Variants in EBF3 observed in about 807,000 individuals in gnomAD.
EBF3 encodes the protein transcription factor COE3.
Under a neutral mutation model 77.1 loss-of-function variants are expected in EBF3, and 18 were observed. The observed-to-expected ratio is 0.23, with a 90% confidence interval of 0.16 to 0.35. EBF3 has a LOEUF of 0.35. Ranked by LOEUF, EBF3 falls within the 10% of genes least tolerant of loss-of-function variation. The probability of loss-of-function intolerance (pLI) is 1.00; values close to 1 mark genes in which losing one functional copy is unlikely to be tolerated. For synonymous variants in EBF3, 350 were observed against 343.5 expected (o/e 1.02, Z -0.21); for missense variants, 558 against 860.0 (o/e 0.65, Z 4.39).
At chr10:129,910,936 T>G (rs1052339809) in intron 6 of EBF3, among the ~76,000 whole-genome samples, 2 of 152,154 alleles carry the variant, frequency 1.3e-5, no homozygotes, top group Non-Finnish European at 2.9e-5. Flanking sequence ...AGCAGGGCCA[T>G]GGCCGAAGCT....
chr10:129,961,208 A>C (rs969201117), intron 4 of EBF3, among the ~76,000 whole-genome samples: 3 of 152,262 alleles, frequency 2.0e-5, no homozygotes, highest in African/African-American at 7.2e-5. Flanking sequence ...AAAACCGAAG[A>C]AGCCACTTTC....
At chr10:129,869,476 C>T (rs1457685715) in intron 8 of EBF3, among the ~76,000 whole-genome samples, 1 of 147,704 alleles carries the variant, frequency 6.8e-6, no homozygotes, top group African/African-American at 2.5e-5. Context: ...CATCTTGGGG[C>T]CTTATTAGGT....
At position 129,908,880 on chromosome 10, in the gene EBF3, G is replaced by A. The variant is rs571617663; in HGVS notation, c.555-31031C>T. ...CACCAATAAGTATGGCCCATAAGTC[G>A]ACTCTTTGCAAATTCTAAACACAAT... On this transcript the variant is annotated intron_variant, in intron 6 of 16. Coordinates refer to ENST00000440978, the MANE Select transcript of EBF3 (RefSeq NM_001375380.1). Among the ~76,000 whole-genome samples the A allele has an allele frequency of 1.6e-3, 243 of 152,280 alleles. 2 individuals carry two copies. Among genetic ancestry groups the A allele is most frequent in the Non-Finnish European group, 2.7e-3 (183 of 68,020 alleles).
At chr10:129,924,780 C>T (rs1038741174) in intron 6 of EBF3, among the ~76,000 whole-genome samples, 6 of 152,158 alleles carry the variant, frequency 3.9e-5, no homozygotes, top group Non-Finnish European at 7.3e-5. Flanking sequence ...AATCCTCCTG[C>T]CTCAGCCTCT....
At chr10:129,867,633 G>A (rs923434049) in intron 9 of EBF3, 149 bp downstream of exon 9, 36 of 1,374,986 alleles carry the variant, frequency 2.6e-5, no homozygotes, top group Admixed American at 1.7e-4. Context: ...AGCCACCCAC[G>A]GGAGAAGCTG....
At chr10:129,878,661 C>CAAAAAAAA (rs538628576) in intron 6 of EBF3, among the ~76,000 whole-genome samples, 2 of 34,848 alleles carry the variant, frequency 5.7e-5, no homozygotes, top group African/African-American at 1.3e-4. Context: ...GGCTCTGTCT[C>CAAAAAAAA]AAAAAAAAAA....
intron 6 of EBF3, among the ~76,000 whole-genome samples, chr10:129,931,013 C>T (rs2477963): frequency 1.1e-4 from 16 of 149,082 alleles, no homozygotes; most frequent in African/African-American, 2.7e-4. Context: ...CTCTCATATA[C>T]CTATATCTGT....
chr10:129,908,235 C>A (rs934369498), intron 6 of EBF3, among the ~76,000 whole-genome samples: 6 of 152,180 alleles, frequency 3.9e-5, no homozygotes, highest in African/African-American at 1.4e-4. Context: ...TAATTCTAAG[C>A]CCCCAAGAAA....
In EBF3 at chr10:129,885,264, A is replaced by C. The variant is rs1853490321; in HGVS notation, c.555-7415T>G. On this transcript the variant is annotated intron_variant, in intron 6 of 16. Transcript: ENST00000440978. The surrounding 1 kb of genome is among the most constrained non-coding windows in gnomAD (Gnocchi z 4.0). ...AGTTCAATATCCCCTTCCAGAACAG[A>C]TCCCCGCCAAGTCCTCCGTTTGGAG... is the stretch of plus-strand genomic sequence containing the variant. 6.6e-6 allele frequency among the ~76,000 whole-genome samples: 1 copy of C among 152,132 alleles called. No homozygotes were observed. Among genetic ancestry groups the C allele is most frequent in the Non-Finnish European group, 1.5e-5 (1 of 68,028 alleles).
chr10:129,883,190 T>C (rs1274400309), intron 6 of EBF3, among the ~76,000 whole-genome samples: 1 of 152,192 alleles, frequency 6.6e-6, no homozygotes, highest in African/African-American at 2.4e-5. Context: ...TGAGTCACTG[T>C]ACACTGGAAG....
At chr10:129,917,767 C>A (rs1345740090) in intron 6 of EBF3, among the ~76,000 whole-genome samples, 1 of 151,688 alleles carries the variant, frequency 6.6e-6, no homozygotes, top group African/African-American at 2.4e-5. Flanking sequence ...GGCTTGCTCC[C>A]TGGTGATATT....
rs1007412979 is a variant in EBF3 at position 129,947,291 on chromosome 10, A to G, written c.554+9967T>C. ...TGTGGGTGTGAATTCATACTTAACC[A>G]TAAAAACCCTTGCATTACTCTGTCT... On this transcript the variant is annotated intron_variant, in intron 6 of 16. Transcript: ENST00000440978. This position sits in a 1 kb window ranked among gnomAD's most constrained non-coding sequence, Gnocchi z 4.5. Among the ~76,000 whole-genome samples, 3 of 152,256 alleles carry G rather than the reference A, an allele frequency of 2.0e-5. No individual in the cohort carries two copies. The highest frequency in any genetic ancestry group is 6.5e-5 in the Admixed American group (1 of 15,294).
At chr10:129,854,746 T>C (rs1301595632) in intron 10 of EBF3, among the ~76,000 whole-genome samples, 2 of 152,260 alleles carry the variant, frequency 1.3e-5, no homozygotes, top group African/African-American at 2.4e-5. Flanking sequence ...TCAAAGTCAA[T>C]ACTTTGCAGC....
chr10:129,934,161 A>G (rs1857205208), intron 6 of EBF3, among the ~76,000 whole-genome samples: 1 of 152,016 alleles, frequency 6.6e-6, no homozygotes, highest in Non-Finnish European at 1.5e-5. Context: ...AGGGCCTAGT[A>G]TTAATATCCC....
intron 6 of EBF3, among the ~76,000 whole-genome samples, chr10:129,945,629 T>C (rs1241436399): frequency 6.6e-6 from 1 of 152,188 alleles, no homozygotes; most frequent in African/African-American, 2.4e-5. Context: ...CTCTCTCTTA[T>C]CTCTGTAACA....
intron 6 of EBF3, among the ~76,000 whole-genome samples, chr10:129,949,907 C>A (rs551339999): frequency 9.9e-5 from 15 of 152,012 alleles, no homozygotes; most frequent in Admixed American, 9.8e-4. Flanking sequence ...TTAAACACTG[C>A]CAAAGTTTTG....
intron 6 of EBF3, among the ~76,000 whole-genome samples, chr10:129,926,570 G>C (rs998028184): frequency 2.0e-5 from 3 of 152,212 alleles, no homozygotes; most frequent in African/African-American, 7.2e-5. Context: ...CAGGGCTTGG[G>C]GGGTGGAGAC....
chr10:129,838,002 AC>A, intron 16 of EBF3, 42 bp from the exon 17 acceptor site: 1 of 1,613,244 alleles, frequency 6.2e-7, no homozygotes. Flanking sequence ...AGGCTCCCCC[AC>A]GCGCCCTCCC....
chr10:129,874,233 G>A (rs1852600514), intron 7 of EBF3, among the ~76,000 whole-genome samples: 1 of 152,176 alleles, frequency 6.6e-6, no homozygotes. Context: ...TCATTGCAAA[G>A]GCTGGCAAGG....
Sources: allele counts gnomAD v4.1 joint callset (sites outside exome capture counted in the v4.1 genomes callset), GRCh38; gene constraint gnomAD v4.1.1; non-coding constraint Gnocchi (gnomAD v3.1); transcripts MANE v1.5; gene names NCBI Gene and HGNC (gene_info 2026-07-23, HGNC 2026-07-21).